Variants in ADRA1B observed in about 807,000 individuals in gnomAD.
ADRA1B encodes the protein adrenoceptor alpha 1B.
Under a neutral mutation model 17.9 loss-of-function variants are expected in ADRA1B, and 17 were observed. The ratio of observed to expected loss-of-function variants is 0.95; its 90% CI spans 0.65 to 1.42. The LOEUF is 1.42. Among genes scored for constraint, ADRA1B ranks in the 40% most tolerant of loss-of-function variants. The pLI is 0.00. For missense variants in ADRA1B, 681 were observed against 722.1 expected, an observed-to-expected ratio of 0.94 and a Z score of 0.65; for synonymous variants, 366 against 327.6, an observed-to-expected ratio of 1.12 and a Z score of -1.27.
intron 1 of ADRA1B, among the ~76,000 whole-genome samples, chr5:159,932,787 A>G (rs1288767924): frequency 6.6e-6 from 1 of 152,312 alleles, no homozygotes; most frequent in Non-Finnish European, 1.5e-5. Flanking sequence ...TTCACTGGAC[A>G]ATGTATCTTG....
upstream of ADRA1B, among the ~76,000 whole-genome samples, chr5:159,915,171 C>G (rs1163830512): frequency 6.6e-6 from 1 of 152,146 alleles, no homozygotes; most frequent in South Asian, 2.1e-4. Flanking sequence ...TACCTTGCCC[C>G]GGGGGAAAAG....
downstream of ADRA1B, among the ~76,000 whole-genome samples, chr5:159,976,640 T>C (rs1436716543): frequency 1.4e-5 from 2 of 145,114 alleles, no homozygotes; most frequent in East Asian, 4.1e-4. Flanking sequence ...ACGAGTTATC[T>C]CACTGTCTCA....
intron 1 of ADRA1B, among the ~76,000 whole-genome samples, chr5:159,873,950 A>C (rs576012163): frequency 6.6e-6 from 1 of 152,242 alleles, no homozygotes. Flanking sequence ...TCAGCTTTTT[A>C]ACCCCACCTC....
At position 159,938,972 on chromosome 5, in the gene ADRA1B, C is replaced by T. The variant is rs759082522; in HGVS notation, c.949+21118C>T. Among the ~76,000 whole-genome samples the T allele has an allele frequency of 9.2e-5, 14 of 152,176 alleles. No individual in the cohort carries two copies. In the East Asian group the frequency reaches 9.6e-4, roughly 10 times the overall value. ...ACAGTATGTGGCCAGAGTGAAATCC[C>T]TTAATAGGTCCCACCACTCTTAGGA... On this transcript the variant is annotated intron_variant, in intron 1 of 1. Coordinates refer to ENST00000306675, the MANE Select transcript of ADRA1B (RefSeq NM_000679.4).
intron 1 of ADRA1B, chr5:159,951,325 T>A: frequency 1.5e-6 from 2 of 1,329,484 alleles, no homozygotes; most frequent in Non-Finnish European, 1.1e-6. Context: ...GCCTTGACAG[T>A]GCCATGGAAT....
intron 1 of ADRA1B, among the ~76,000 whole-genome samples, chr5:159,924,645 G>A (rs72808195): frequency 0.096 from 14,609 of 152,178 alleles, 743 homozygotes; most frequent in East Asian, 0.14. Context: ...ACCCACCCCT[G>A]CTGGAGCAAA....
chr5:159,938,163 C>A (rs762335769), intron 1 of ADRA1B, among the ~76,000 whole-genome samples: 3 of 152,138 alleles, frequency 2.0e-5, no homozygotes, highest in Non-Finnish European at 2.9e-5. Flanking sequence ...AACGAATTAA[C>A]TCTTGGTTTT....
chr5:159,931,439 C>A (rs910857151), intron 1 of ADRA1B, among the ~76,000 whole-genome samples: 11 of 151,602 alleles, frequency 7.3e-5, no homozygotes, highest in African/African-American at 2.4e-4. Flanking sequence ...CTTTCCTCTG[C>A]TGGTTACAGC....
At chr5:159,950,853 C>A in intron 1 of ADRA1B, 1 of 595,980 alleles carries the variant, frequency 1.7e-6, no homozygotes, top group Non-Finnish European at 3.2e-6. Context: ...CCCCTACCCA[C>A]AGCCTTGGCA....
At chr5:159,868,600 G>C (rs760382135) in intron 1 of ADRA1B, 6 of 152,230 alleles carry the variant, frequency 3.9e-5, no homozygotes, top group Non-Finnish European at 8.8e-5. Context: ...TTGGTGGATA[G>C]AAGTCTTGAA....
intron 1 of ADRA1B, among the ~76,000 whole-genome samples, chr5:159,877,593 T>C (rs1684647721): frequency 6.6e-6 from 1 of 152,152 alleles, no homozygotes. Context: ...GTCACAAAAA[T>C]CATTAAATCA....
intron 1 of ADRA1B, among the ~76,000 whole-genome samples, chr5:159,961,052 A>G (rs1755656927): frequency 6.6e-6 from 1 of 152,242 alleles, no homozygotes. Context: ...TTAGTTTCAG[A>G]AAAAGTGCTT....
At chr5:159,874,377 G>A (rs1753780753) in intron 1 of ADRA1B, among the ~76,000 whole-genome samples, 1 of 152,180 alleles carries the variant, frequency 6.6e-6, no homozygotes, top group African/African-American at 2.4e-5. Context: ...GATGACACAA[G>A]CTACTGAAGC....
chr5:159,867,544 T>TAGTATTTTACAGCTATACTTGCTGTA (rs1393871967), intron 1 of ADRA1B, among the ~76,000 whole-genome samples: 28 of 152,174 alleles, frequency 1.8e-4, no homozygotes, highest in Non-Finnish European at 2.5e-4. Flanking sequence ...TACTTGCTGT[T>TAGTATTTTACAGCTATACTTGCTGTA]AGTATTTTAC....
At chr5:159,976,206 A>G (rs937737085), downstream of ADRA1B, among the ~76,000 whole-genome samples, 14 of 152,248 alleles carry the variant, frequency 9.2e-5, no homozygotes, top group Non-Finnish European at 8.8e-5. Flanking sequence ...AGCTATTAAC[A>G]GAGGTAGTCA....
chr5:159,950,675 C>T (rs1755410349), intron 1 of ADRA1B: 2 of 736,340 alleles, frequency 2.7e-6, no homozygotes, highest in South Asian at 1.5e-5. Context: ...TGCTCAGTGT[C>T]GCCCCAGATG....
At chr5:159,933,331 C>G (rs1191871041) in intron 1 of ADRA1B, among the ~76,000 whole-genome samples, 3 of 152,154 alleles carry the variant, frequency 2.0e-5, no homozygotes, top group Non-Finnish European at 4.4e-5. Flanking sequence ...ATAAAGTCCA[C>G]TTTGAATGGT....
chr5:159,874,016 T>G (rs991514284), intron 1 of ADRA1B, among the ~76,000 whole-genome samples: 8 of 152,214 alleles, frequency 5.3e-5, no homozygotes, highest in Non-Finnish European at 1.2e-4. Flanking sequence ...ACTGTCTTGA[T>G]AGTGTCTTCA....
At chr5:159,884,112 G>GA (rs574637788) in intron 1 of ADRA1B, among the ~76,000 whole-genome samples, 1 of 152,074 alleles carries the variant, frequency 6.6e-6, no homozygotes, top group African/African-American at 2.4e-5. Flanking sequence ...AAATTAAAAA[G>GA]AAAAAAATCA....
Sources: gnomAD v4.1 joint callset for allele counts (sites outside exome capture counted in the v4.1 genomes callset) on GRCh38, gnomAD v4.1.1 for gene constraint, MANE v1.5 for transcripts, NCBI Gene and HGNC (gene_info 2026-07-23, HGNC 2026-07-21) for gene names.